CWF19L1: variants seen among roughly 807,000 people sequenced by gnomAD.
The protein encoded by CWF19L1 is CWF19-like protein 1.
CWF19L1 carries 60 observed loss-of-function variants against 69.7 expected under a neutral mutation model. The ratio of observed to expected loss-of-function variants is 0.86; its 90% confidence interval spans 0.70 to 1.07. The LOEUF (loss-of-function observed/expected upper bound fraction) is 1.07. CWF19L1 is among the 50% of genes least tolerant of loss of function. The pLI, the probability that CWF19L1 is intolerant of heterozygous loss-of-function variation, is 0.00. For missense variants in CWF19L1, 591 were observed against 638.9 expected (o/e 0.92, Z 0.81); for synonymous variants, 209 against 222.2 (o/e 0.94, Z 0.53).
rs376802356 is a variant in CWF19L1, at chr10:100,267,605, G to A, written c.-12C>T. The A allele has an allele frequency of 2.2e-5, 36 of 1,614,216 alleles. No individual in the cohort carries two copies. The East Asian group carries it at 7.6e-4, about 34-fold the overall frequency. The stretch of plus-strand genomic sequence containing the variant: ...GGTTTCTGTGCCATCTGTCCGAATA[G>A]TATGGGTTGCGACTGCCACCTAAAA... On this transcript the variant is annotated 5_prime_UTR_variant, in exon 1 of 14. Transcript: ENST00000354105.
At chr10:100,251,787 AGGC>A (rs1847044539) in intron 6 of CWF19L1, among the ~76,000 whole-genome samples, 1 of 152,172 alleles carries the variant, frequency 6.6e-6, no homozygotes, top group Admixed American at 6.5e-5. Flanking sequence ...CTGGGATTAC[AGGC>A]GTGAGCCACC....
chr10:100,264,002 G>A (rs1385211623), intron 1 of CWF19L1, among the ~76,000 whole-genome samples: 4 of 152,056 alleles, frequency 2.6e-5, no homozygotes, highest in East Asian at 1.9e-4. Context: ...ACAATGTTTC[G>A]GTCAACAAGG....
rs199982519 is a variant in CWF19L1, at chr10:100,235,716, C to A, written c.1423G>T (p.Glu475Ter). Residue 475 changes from glutamate to a stop codon, truncating the protein, a stop_gained, in exon 13 of 14, where the codon GAA becomes TAA. Transcript: ENST00000354105. LOFTEE classifies it high-confidence loss of function. ...AYFYVELDTG[E>*]KLFHRIKKNF... ...TTTTTAATTCTGTGGAAAAGCTTTT[C>A]TCCTGTGTCAAGTTCAACATAAAAA... 3.7e-6 allele frequency: 6 copies of A among 1,612,478 alleles called. No homozygotes were observed. The highest frequency in any genetic ancestry group is 5.1e-6 in the Non-Finnish European group (6 of 1,179,928).
chr10:100,236,133 C>T (rs1390046871), intron 12 of CWF19L1, among the ~76,000 whole-genome samples: 42 of 135,644 alleles, frequency 3.1e-4, no homozygotes, highest in African/African-American at 1.2e-3. Flanking sequence ...GAGACAGGGT[C>T]TTGCGATGTT....
chr10:100,249,070 CT>C (rs1173516575), intron 7 of CWF19L1: 1 of 529,894 alleles, frequency 1.9e-6, no homozygotes, highest in African/African-American at 1.9e-5. Flanking sequence ...CCAGCTGCCC[CT>C]GAGGGGCCAC....
chr10:100,263,775 T>C (rs1430247746), intron 1 of CWF19L1, among the ~76,000 whole-genome samples: 2 of 152,214 alleles, frequency 1.3e-5, no homozygotes, highest in Non-Finnish European at 2.9e-5. Flanking sequence ...TCACAAGCCT[T>C]GTTGATTTTA....
At chr10:100,248,494 T>C in intron 7 of CWF19L1, 1 of 678,554 alleles carries the variant, frequency 1.5e-6, no homozygotes, top group Non-Finnish European at 2.7e-6. Context: ...AATGTGCCAG[T>C]CATCACTGAT....
intron 1 of CWF19L1, 107 bp downstream of exon 1, chr10:100,267,464 C>A: frequency 6.2e-7 from 1 of 1,605,338 alleles, no homozygotes; most frequent in Non-Finnish European, 8.5e-7. Context: ...CGTGTCTCTC[C>A]GCCTTTTCCT....
intron 7 of CWF19L1, chr10:100,249,059 T>C: frequency 1.8e-6 from 1 of 544,636 alleles, no homozygotes; most frequent in African/African-American, 1.9e-5. Context: ...TCCATGCTCC[T>C]CCAGCTGCCC....
At chr10:100,252,039 C>T (rs955487807) in intron 6 of CWF19L1, among the ~76,000 whole-genome samples, 7 of 152,076 alleles carry the variant, frequency 4.6e-5, no homozygotes, top group African/African-American at 1.7e-4. Context: ...TTCTTGCTCA[C>T]TTAAATTTTT....
intron 1 of CWF19L1, among the ~76,000 whole-genome samples, chr10:100,262,922 GC>G (rs1847454712): frequency 2.8e-5 from 4 of 144,802 alleles, no homozygotes; most frequent in African/African-American, 1.1e-4. Flanking sequence ...TGTACACCTC[GC>G]CAAACTTTTT....
rs1366467097 is a variant in CWF19L1, at chr10:100,244,336, C to G, written c.965-559G>C. On this transcript the variant is annotated intron_variant, in intron 9 of 13. Transcript: ENST00000354105. ...CCATAGTACAGGAAGCGCCTCAGAA[C>G]AGCCTCGAAGTCAGGCCATTCTTAT... Among the ~76,000 whole-genome samples the G allele has an allele frequency of 2.6e-5, 4 of 152,202 alleles. No individual in the cohort carries two copies. In the East Asian group the frequency reaches 7.7e-4, roughly 29 times the overall value.
intron 2 of CWF19L1, 50 bp downstream of exon 2, chr10:100,261,929 A>G: frequency 6.6e-7 from 1 of 1,505,970 alleles, no homozygotes; most frequent in Non-Finnish European, 9.0e-7. Flanking sequence ...CTTTATTTTT[A>G]TGTGTGACTA....
Position 100,241,000 on chromosome 10 carries a change from CTTTTTTTTTTT to C in CWF19L1, c.1044+2687_1044+2697del, listed in dbSNP as rs56262807. On this transcript the variant is annotated intron_variant, in intron 10 of 13. Transcript: ENST00000354105. ...GACAGGAGTGTGCCACTAATTAAGC[CTTTTTTTTTTT>C]TTTTTTTTTTTTTTTTTGTGACAGA... 7.9e-3 allele frequency among the ~76,000 whole-genome samples: 560 copies of C among 70,630 alleles called. 6 individuals carry two copies. The East Asian group carries it at 0.08, about 10-fold the overall frequency. 46.3% of individuals were successfully genotyped at this position (70,630 alleles called of 152,430 possible).
chr10:100,252,158 ACT>A (rs1262103840), intron 6 of CWF19L1, among the ~76,000 whole-genome samples: 2 of 152,042 alleles, frequency 1.3e-5, no homozygotes, highest in African/African-American at 4.8e-5. Context: ...CTTTTACTTA[ACT>A]CTCTCACTTG....
chr10:100,246,780 T>G lies in CWF19L1; in HGVS notation c.849+15A>C. The G allele has an allele frequency of 1.2e-6, 2 of 1,600,936 alleles. No individual in the cohort carries two copies. The highest frequency in any genetic ancestry group is 1.7e-6 in the Non-Finnish European group (2 of 1,171,384). ...AGAACACATATAAAAATGCCAACCC[T>G]CAATCAGAACATACCACAGGGGCAA... On this transcript the variant is annotated intron_variant, in intron 8 of 13. Coordinates refer to ENST00000354105, the MANE Select transcript of CWF19L1 (RefSeq NM_018294.6).
At chr10:100,238,647 T>C (rs917104505) in intron 10 of CWF19L1, among the ~76,000 whole-genome samples, 1 of 152,126 alleles carries the variant, frequency 6.6e-6, no homozygotes, top group Admixed American at 6.6e-5. Context: ...ATGACCACTT[T>C]CGGCTGGGAT....
chr10:100,243,384 CAT>C (rs1246013750), intron 10 of CWF19L1, among the ~76,000 whole-genome samples: 4 of 152,130 alleles, frequency 2.6e-5, no homozygotes, highest in Admixed American at 2.0e-4. Context: ...CAAAAGACCA[CAT>C]GTTGTATGAT....
At chr10:100,235,614 A>T in intron 13 of CWF19L1, 53 bp downstream of exon 13, 1 of 1,270,158 alleles carries the variant, frequency 7.9e-7, no homozygotes, top group Non-Finnish European at 1.1e-6. Context: ...GTAGCCCACC[A>T]CTCTGTTCAT....
Sources: allele counts gnomAD v4.1 joint callset (sites outside exome capture counted in the v4.1 genomes callset), GRCh38; gene constraint gnomAD v4.1.1; transcripts MANE v1.5; gene names NCBI Gene and HGNC (gene_info 2026-07-23, HGNC 2026-07-21).